The following POLN variants were observed in gnomAD, a reference collection of about 807,000 sequenced individuals.
POLN encodes the protein DNA polymerase nu.
A neutral mutation model predicts 113.5 loss-of-function variants in POLN; 108 were observed. That is an observed-to-expected ratio of 0.95 (90% confidence interval 0.81 to 1.12). The LOEUF (loss-of-function observed/expected upper bound fraction) is 1.12, where lower values mean the gene tolerates loss of function less well. Among genes scored for constraint, POLN ranks in the 50% most tolerant of loss-of-function variants. The pLI is 0.00. For synonymous variants in POLN, 386 were observed against 391.5 expected, an observed-to-expected ratio of 0.99 and a Z score of 0.17; for missense variants, 1,097 against 1,077.1, an observed-to-expected ratio of 1.02 and a Z score of -0.26.
At chr4:2,081,900 G>C (rs1432122088) in intron 21 of POLN, among the ~76,000 whole-genome samples, 157 bp from the exon 22 acceptor site, 1 of 151,636 alleles carries the variant, frequency 6.6e-6, no homozygotes, top group East Asian at 1.9e-4. Flanking sequence ...ATGGGGGCAA[G>C]TGGGCCCTGC....
chr4:2,116,598 T>A (rs1223886096), intron 19 of POLN, among the ~76,000 whole-genome samples: 1 of 151,154 alleles, frequency 6.6e-6, no homozygotes, highest in African/African-American at 2.4e-5. Flanking sequence ...TAATCTAGTA[T>A]AGGATAGGGT....
At chr4:2,139,239 G>A (rs1731937024) in intron 16 of POLN, among the ~76,000 whole-genome samples, 1 of 152,224 alleles carries the variant, frequency 6.6e-6, no homozygotes, top group African/African-American at 2.4e-5. Context: ...GGGGAAGCGT[G>A]AGCCTCTGCC....
chr4:2,202,115 T>TA (rs999301461), intron 5 of POLN, among the ~76,000 whole-genome samples: 12 of 151,178 alleles, frequency 7.9e-5, no homozygotes, highest in South Asian at 2.1e-4. Context: ...AAAATACAAT[T>TA]AAAAAAACAA....
chr4:2,207,962 A>C (rs1733892670), intron 5 of POLN, 25 bp downstream of exon 5: 2 of 1,556,102 alleles, frequency 1.3e-6, no homozygotes, highest in African/African-American at 1.4e-5. Context: ...CAAGACAGCA[A>C]ATAAAAACAT....
chr4:2,085,343 TGCAGGC>T (rs1251607116), intron 21 of POLN, among the ~76,000 whole-genome samples: 1 of 152,220 alleles, frequency 6.6e-6, no homozygotes, highest in Non-Finnish European at 1.5e-5. Context: ...CCTTTCCAGG[TGCAGGC>T]TTGTATCTGT....
chr4:2,146,580 T>C (rs1309893422), intron 16 of POLN, among the ~76,000 whole-genome samples: 2 of 152,170 alleles, frequency 1.3e-5, no homozygotes, highest in Non-Finnish European at 2.9e-5. Flanking sequence ...GATCACTGTA[T>C]TGGGCTCTAT....
At chr4:2,074,554 C>T (rs1003936405) in intron 24 of POLN, among the ~76,000 whole-genome samples, 4 of 152,180 alleles carry the variant, frequency 2.6e-5, no homozygotes, top group African/African-American at 7.2e-5. Context: ...GCTGGACATA[C>T]TTTTCAAGTG....
At chr4:2,088,797 C>CA in intron 20 of POLN, 1 of 1,373,988 alleles carries the variant, frequency 7.3e-7, no homozygotes, top group Non-Finnish European at 1.0e-6. Context: ...ATTATCGCTA[C>CA]AAGAGGACTT....
chr4:2,133,138 T>TA (rs1305090985), intron 16 of POLN, among the ~76,000 whole-genome samples: 11 of 43,608 alleles, frequency 2.5e-4, no homozygotes, highest in African/African-American at 8.7e-4. Flanking sequence ...ATGGCTATTA[T>TA]AAAAAATGGC....
chr4:2,075,928 C>T (rs756540581), intron 23 of POLN, among the ~76,000 whole-genome samples: 7 of 152,198 alleles, frequency 4.6e-5, no homozygotes, highest in Non-Finnish European at 8.8e-5. Context: ...GATGGAAAAA[C>T]AGCCCCTTGT....
At chr4:2,182,281 G>A (rs968762063) in intron 7 of POLN, among the ~76,000 whole-genome samples, 2 of 152,328 alleles carry the variant, frequency 1.3e-5, no homozygotes, top group East Asian at 3.9e-4. Context: ...ATTATGGTAG[G>A]AATCTTGAGA....
chr4:2,076,356 C>A (rs1257187525), intron 23 of POLN: 4 of 152,486 alleles, frequency 2.6e-5, no homozygotes, highest in Non-Finnish European at 5.9e-5. Flanking sequence ...GGGTGACACA[C>A]ACCTTGGGCA....
intron 7 of POLN, among the ~76,000 whole-genome samples, chr4:2,187,209 T>A (rs1189172089): frequency 6.6e-6 from 1 of 151,994 alleles, no homozygotes; most frequent in Non-Finnish European, 1.5e-5. Flanking sequence ...CAAAAAATAA[T>A]AACAGAAAAC....
chr4:2,208,583 A>G lies in POLN; in HGVS notation c.214-96T>C, dbSNP rs1733916226. 7.1e-6 allele frequency: 7 copies of G among 985,826 alleles called. No individual in the cohort carries two copies. The Admixed American group carries it at 2.2e-4, about 31-fold the overall frequency. The allele number at this position is 985,826 out of a possible 1,614,324, so 61.1% of individuals were successfully genotyped here. On this transcript the variant is annotated intron_variant, in intron 4 of 25. Coordinates refer to ENST00000511885, the MANE Select transcript of POLN (RefSeq NM_181808.4). ...CTGGTAAAAACTTGTCTAAGGTAAT[A>G]TGGAGACACAATCTTCATATTACCT... is the stretch of plus-strand genomic sequence containing the variant.
At chr4:2,166,718 G>C (rs1260449032) in intron 13 of POLN, among the ~76,000 whole-genome samples, 1 of 152,104 alleles carries the variant, frequency 6.6e-6, no homozygotes, top group Non-Finnish European at 1.5e-5. Context: ...CAGAATTCCA[G>C]ACTCTCCCGT....
intron 11 of POLN, among the ~76,000 whole-genome samples, chr4:2,172,326 G>A (rs1377665388): frequency 6.6e-6 from 1 of 152,210 alleles, no homozygotes; most frequent in Non-Finnish European, 1.5e-5. Context: ...GATTTTGCCA[G>A]TGCTGCACCT....
chr4:2,193,182 G>A, intron 7 of POLN, 22 bp downstream of exon 7: 3 of 1,516,678 alleles, frequency 2.0e-6, no homozygotes, highest in Non-Finnish European at 2.7e-6. Flanking sequence ...AAATTATAGA[G>A]AGAATAAAAA....
At chr4:2,138,898 A>AAAAAGAAAAG (rs565608160) in intron 16 of POLN, among the ~76,000 whole-genome samples, 135 of 152,138 alleles carry the variant, frequency 8.9e-4, no homozygotes, top group Non-Finnish European at 1.5e-3. Context: ...TGTCTCAAAA[A>AAAAAGAAAAG]AAAAGAAAAG....
At chr4:2,189,701 C>T (rs1185228830) in intron 7 of POLN, among the ~76,000 whole-genome samples, 2 of 150,866 alleles carry the variant, frequency 1.3e-5, no homozygotes, top group African/African-American at 4.9e-5. Context: ...AATGCAATCT[C>T]TATCAAAATA....
Sources: gnomAD v4.1 joint callset for allele counts (sites outside exome capture counted in the v4.1 genomes callset) on GRCh38, gnomAD v4.1.1 for gene constraint, MANE v1.5 for transcripts, NCBI Gene and HGNC (gene_info 2026-07-23, HGNC 2026-07-21) for gene names.